Variants in TRMT13 observed in about 807,000 individuals in gnomAD.
The protein encoded by TRMT13 is tRNA methyltransferase 13.
A neutral mutation model predicts 55.9 loss-of-function variants in TRMT13; 45 were observed. The ratio of observed to expected loss-of-function variants is 0.80; its 90% confidence interval spans 0.63 to 1.03. The LOEUF is 1.03. Ranked by LOEUF, TRMT13 falls within the 50% of genes least tolerant of loss-of-function variation. The probability of loss-of-function intolerance (pLI) is 0.00; values close to 1 mark genes in which losing one functional copy is unlikely to be tolerated. For synonymous variants in TRMT13, 183 were observed against 196.3 expected (o/e 0.93, Z 0.57); for missense variants, 513 against 563.9 (o/e 0.91, Z 0.91).
At chr1:100,144,013 G>C (rs754596566) in intron 8 of TRMT13, 56 bp from the exon 9 acceptor site, 5 of 1,430,114 alleles carry the variant, frequency 3.5e-6, no homozygotes, top group Non-Finnish European at 4.9e-6. Context: ...CTTTTGGAAG[G>C]CCACATTAAT....
At position 100,148,865 on chromosome 1, in the gene TRMT13, T is replaced by G; in HGVS notation, c.*45T>G. On this transcript the variant is annotated 3_prime_UTR_variant, in exon 11 of 11. Coordinates refer to ENST00000370141, the MANE Select transcript of TRMT13 (RefSeq NM_019083.3). The stretch of plus-strand genomic sequence containing the variant: ...TCATCTGTCTTCCACCAAAAAAAAT[T>G]TTTTAATTATATTTTTATATCAAAA... The G allele has an allele frequency of 2.4e-6, 3 of 1,258,306 alleles. No individual in the cohort carries two copies. Among genetic ancestry groups the G allele is most frequent in the Non-Finnish European group, 3.1e-6 (3 of 973,890 alleles). 77.9% of individuals were successfully genotyped at this position (1,258,306 alleles called of 1,614,324 possible). A position where few individuals can be genotyped will look rare whatever the true frequency, so the allele number is the denominator to read the frequency against.
chr1:100,142,939 A>G, intron 7 of TRMT13, 198 bp from the exon 8 acceptor site: 1 of 542,748 alleles, frequency 1.8e-6, no homozygotes, highest in Non-Finnish European at 3.2e-6. Context: ...AATAATGTCT[A>G]TGTAATAATT....
intron 6 of TRMT13, 139 bp downstream of exon 6, chr1:100,140,653 C>A: frequency 3.5e-6 from 3 of 851,970 alleles, no homozygotes; most frequent in Non-Finnish European, 3.6e-6. Context: ...TATATAGAAA[C>A]ATATACAAAA....
At chr1:100,133,389 T>C in intron 1 of TRMT13, 74 bp downstream of exon 1, 6 of 1,505,312 alleles carry the variant, frequency 4.0e-6, no homozygotes, top group Non-Finnish European at 5.4e-6. Flanking sequence ...ACCCGGCCCC[T>C]CCCCTCTTTG....
chr1:100,142,838 A>G, intron 7 of TRMT13: 1 of 321,922 alleles, frequency 3.1e-6, no homozygotes, highest in Non-Finnish European at 5.7e-6. Context: ...ACAAAGATAA[A>G]GGAGCTAGTA....
Position 100,149,300 on chromosome 1 carries a change from T to C in TRMT13, c.*480T>C. ...ACAGATCTGGAAAGCACAATTGTGA[T>C]TTTCTCAAATGCAGACAATTCAGAG... On this transcript the variant is annotated 3_prime_UTR_variant, in exon 11 of 11. Transcript: ENST00000370141. 2.0e-6 allele frequency: 3 copies of C among 1,532,120 alleles called. No homozygotes were observed. The highest frequency in any genetic ancestry group is 2.6e-6 in the Non-Finnish European group (3 of 1,142,448). 94.9% of individuals were successfully genotyped at this position (1,532,120 alleles called of 1,614,324 possible).
chr1:100,137,089 A>C lies in TRMT13; in HGVS notation c.261+4A>C. The stretch of plus-strand genomic sequence containing the variant: ...CTCAAGAGAGAAACCAAAACCTGTA[A>C]GTGTTTGATCAGTAAAATTGAATGG... On this transcript the variant is annotated splice_donor_region_variant and intron_variant, in intron 3 of 10. Coordinates refer to ENST00000370141, the MANE Select transcript of TRMT13 (RefSeq NM_019083.3). 1 of 1,609,368 alleles carries C rather than the reference A, an allele frequency of 6.2e-7. No homozygotes were observed. The highest frequency in any genetic ancestry group is 8.5e-7 in the Non-Finnish European group (1 of 1,178,452).
At chr1:100,146,136 G>A (rs1396540000) in intron 9 of TRMT13, among the ~76,000 whole-genome samples, 1 of 152,006 alleles carries the variant, frequency 6.6e-6, no homozygotes, top group Non-Finnish European at 1.5e-5. Context: ...CAAAACAACT[G>A]GTCAATTTTT....
In TRMT13 at chr1:100,140,848, G is replaced by A. The variant is rs749848534; in HGVS notation, c.502-4G>A. On this transcript the variant is annotated splice_region_variant and splice_polypyrimidine_tract_variant and intron_variant, in intron 6 of 10. Coordinates refer to ENST00000370141, the MANE Select transcript of TRMT13 (RefSeq NM_019083.3). ...TTTATAAAATAATCTTGTGAAGTTT[G>A]CAGGCTTCTATTTTAGGTAACATTG... 2 of 1,608,672 alleles carry A rather than the reference G, an allele frequency of 1.2e-6. No individual in the cohort carries two copies. Among genetic ancestry groups the A allele is most frequent in the Non-Finnish European group, 1.7e-6 (2 of 1,177,702 alleles).
chr1:100,134,299 A>G (rs1243953525), intron 1 of TRMT13, among the ~76,000 whole-genome samples: 1 of 152,202 alleles, frequency 6.6e-6, no homozygotes, highest in African/African-American at 2.4e-5. Context: ...AAACCAGAGG[A>G]GCAAAATGCT....
intron 7 of TRMT13, 98 bp downstream of exon 7, chr1:100,141,117 G>T: frequency 8.7e-7 from 1 of 1,150,306 alleles, no homozygotes; most frequent in Non-Finnish European, 1.2e-6. Flanking sequence ...AGAAAGGAAA[G>T]GAATTTTCTT....
Position 100,140,835 on chromosome 1 carries a change from T to C in TRMT13, c.502-17T>C. 1.9e-6 allele frequency: 3 copies of C among 1,604,016 alleles called. No homozygotes were observed. The highest frequency in any genetic ancestry group is 2.6e-6 in the Non-Finnish European group (3 of 1,174,976). On this transcript the variant is annotated splice_polypyrimidine_tract_variant and intron_variant, in intron 6 of 10. Transcript: ENST00000370141. ...GTGTTTACTCTAGTTTATAAAATAA[T>C]CTTGTGAAGTTTGCAGGCTTCTATT...
At position 100,150,332 on chromosome 1, in the gene TRMT13, TTAAG is replaced by T. The variant is rs1243531256; in HGVS notation, c.*1514_*1517del. 6.6e-6 allele frequency: 1 copy of T among 152,226 alleles called. No individual in the cohort carries two copies. The highest frequency in any genetic ancestry group is 1.5e-5 in the Non-Finnish European group (1 of 68,044). 9.4% of individuals were successfully genotyped at this position (152,226 alleles called of 1,614,324 possible). A position where few individuals can be genotyped will look rare whatever the true frequency, so the allele number is the denominator to read the frequency against. ...TTTTATGTCAAGTAAGGTAGTTTGT[TTAAG>T]TTAGTTACCCATGTCCCCAATCAAG... is the stretch of plus-strand genomic sequence containing the variant. On this transcript the variant is annotated 3_prime_UTR_variant, in exon 11 of 11. Coordinates refer to ENST00000370141, the MANE Select transcript of TRMT13 (RefSeq NM_019083.3).
At chr1:100,146,066 A>G (rs1657210435) in intron 9 of TRMT13, among the ~76,000 whole-genome samples, 1 of 152,018 alleles carries the variant, frequency 6.6e-6, no homozygotes, top group African/African-American at 2.4e-5. Flanking sequence ...GTGCTTTTCC[A>G]TAGACTGTAC....
In TRMT13 at chr1:100,149,935, TAAG is replaced by T. The variant is rs1201252624; in HGVS notation, c.*1119_*1121del. ...GTTCTATGATTATATGATTTGTAAA[TAAG>T]AAGCCTAACCAATTTAAAATTCCTG... On this transcript the variant is annotated 3_prime_UTR_variant, in exon 11 of 11. Coordinates refer to ENST00000370141, the MANE Select transcript of TRMT13 (RefSeq NM_019083.3). 3 of 152,798 alleles carry T rather than the reference TAAG, an allele frequency of 2.0e-5. No individual in the cohort carries two copies. Among genetic ancestry groups the T allele is most frequent in the African/African-American group, 7.2e-5 (3 of 41,588 alleles). 9.5% of individuals were successfully genotyped at this position (152,798 alleles called of 1,614,324 possible).
At chr1:100,134,874 A>G (rs1438541030) in intron 1 of TRMT13, among the ~76,000 whole-genome samples, 9 of 152,190 alleles carry the variant, frequency 5.9e-5, no homozygotes, top group Admixed American at 6.5e-5. Flanking sequence ...TTTATTGACT[A>G]CTATCTCGTT....
At chr1:100,139,986 TA>T (rs1183770172) in intron 4 of TRMT13, among the ~76,000 whole-genome samples, 195 bp from the exon 5 acceptor site, 1 of 152,186 alleles carries the variant, frequency 6.6e-6, no homozygotes, top group Non-Finnish European at 1.5e-5. Context: ...TTAGGAAAAT[TA>T]AAGTAGCACA....
Position 100,150,051 on chromosome 1 carries a change from A to G in TRMT13, c.*1231A>G, listed in dbSNP as rs1266073116. 1 of 152,334 alleles carries G rather than the reference A, an allele frequency of 6.6e-6. No homozygotes were observed. The highest frequency in any genetic ancestry group is 1.5e-5 in the Non-Finnish European group (1 of 68,158). The allele number at this position is 152,334 out of a possible 1,614,324, so 9.4% of individuals were successfully genotyped here. The stretch of plus-strand genomic sequence containing the variant: ...TTGTGCGACCTTGGGCATGCTACCT[A>G]ATCTCTTTGTGCCTCAATTTCCTCC... On this transcript the variant is annotated 3_prime_UTR_variant, in exon 11 of 11. Transcript: ENST00000370141.
chr1:100,142,190 C>A (rs1656722225), intron 7 of TRMT13, among the ~76,000 whole-genome samples: 1 of 152,166 alleles, frequency 6.6e-6, no homozygotes, highest in South Asian at 2.1e-4. Context: ...AGATAGAGCA[C>A]CAACCTCAGT....
Sources: allele counts gnomAD v4.1 joint callset (sites outside exome capture counted in the v4.1 genomes callset), GRCh38; gene constraint gnomAD v4.1.1; transcripts MANE v1.5; gene names NCBI Gene and HGNC (gene_info 2026-07-23, HGNC 2026-07-21).